Variants in SORCS3 observed in about 807,000 individuals in gnomAD.
The protein encoded by SORCS3 is VPS10 domain-containing receptor SorCS3.
Under a neutral mutation model 146.3 loss-of-function variants are expected in SORCS3, and 57 were observed. The ratio of observed to expected loss-of-function variants is 0.39; its 90% confidence interval spans 0.31 to 0.49. The LOEUF (loss-of-function observed/expected upper bound fraction) is 0.49. Among genes scored for constraint, SORCS3 ranks in the 20% least tolerant of loss-of-function variants. The pLI, the probability that SORCS3 is intolerant of heterozygous loss-of-function variation, is 0.92. For synonymous variants in SORCS3, 653 were observed against 618.5 expected, an observed-to-expected ratio of 1.06 and a Z score of -0.83; for missense variants, 1,341 against 1,575.5, an observed-to-expected ratio of 0.85 and a Z score of 2.52.
intron 3 of SORCS3, among the ~76,000 whole-genome samples, chr10:104,919,952 T>A (rs2019070806): frequency 6.6e-6 from 1 of 152,216 alleles, no homozygotes; most frequent in Non-Finnish European, 1.5e-5. Context: ...ATACTCTTAT[T>A]TGTTCCTTTA....
chr10:104,966,171 A>G (rs1479478987), intron 3 of SORCS3, among the ~76,000 whole-genome samples: 1 of 151,006 alleles, frequency 6.6e-6, no homozygotes, highest in Non-Finnish European at 1.5e-5. Context: ...CCCTGCCCCC[A>G]GCTGTGATAA....
chr10:104,816,664 T>C (rs780360578), intron 1 of SORCS3, among the ~76,000 whole-genome samples: 9 of 152,122 alleles, frequency 5.9e-5, no homozygotes, highest in Non-Finnish European at 1.3e-4. Flanking sequence ...TCCAGACTCA[T>C]CAGACTTTTA....
intron 2 of SORCS3, among the ~76,000 whole-genome samples, chr10:104,886,675 A>G (rs1470196570): frequency 5.9e-5 from 9 of 152,128 alleles, no homozygotes; most frequent in Admixed American, 5.2e-4. Flanking sequence ...AACAGCAGCC[A>G]TTGATGGGAA....
At chr10:105,139,070 A>G (rs1332541982) in intron 7 of SORCS3, among the ~76,000 whole-genome samples, 1 of 152,248 alleles carries the variant, frequency 6.6e-6, no homozygotes, top group Non-Finnish European at 1.5e-5. Flanking sequence ...GGTGTAGCCC[A>G]CATTGGTAGC....
rs1450624166 is a variant in SORCS3, at chr10:105,255,811, A to C, written c.3337+10A>C. The C allele has an allele frequency of 2.5e-6, 4 of 1,588,214 alleles. No individual in the cohort carries two copies. Among genetic ancestry groups the C allele is most frequent in the Non-Finnish European group, 1.7e-6 (2 of 1,157,822 alleles). On this transcript the variant is annotated intron_variant, in intron 24 of 26. Coordinates refer to ENST00000369701, the MANE Select transcript of SORCS3 (RefSeq NM_014978.3). ...ACACAGCTGACGTTAGGTGAGTGCC[A>C]CTGGGAACTGGGGAAATGGGAAAGA...
intron 4 of SORCS3, among the ~76,000 whole-genome samples, chr10:105,007,118 A>C (rs765038785): frequency 6.6e-6 from 1 of 152,216 alleles, no homozygotes; most frequent in Non-Finnish European, 1.5e-5. Flanking sequence ...AAGAAAAGGA[A>C]GTTATTCTAA....
intron 13 of SORCS3, among the ~76,000 whole-genome samples, chr10:105,177,416 A>G (rs1406794340): frequency 6.6e-6 from 1 of 152,196 alleles, no homozygotes; most frequent in African/African-American, 2.4e-5. Flanking sequence ...AAAGGAAACA[A>G]GCACTCAGAA....
At chr10:104,973,383 G>T (rs568456331) in intron 3 of SORCS3, among the ~76,000 whole-genome samples, 1 of 151,698 alleles carries the variant, frequency 6.6e-6, no homozygotes, top group African/African-American at 2.4e-5. Context: ...TCCTGTTATT[G>T]GTCTATTCAG....
chr10:105,137,297 T>C (rs2056065293), intron 7 of SORCS3, among the ~76,000 whole-genome samples: 1 of 152,074 alleles, frequency 6.6e-6, no homozygotes, highest in Non-Finnish European at 1.5e-5. Flanking sequence ...AGGTGGTTAT[T>C]AAGCATATGA....
chr10:105,166,766 A>C (rs988537137), intron 12 of SORCS3, among the ~76,000 whole-genome samples: 2 of 152,194 alleles, frequency 1.3e-5, no homozygotes, highest in Non-Finnish European at 2.9e-5. Flanking sequence ...TGGCTATTTC[A>C]ATTATTAGTT....
intron 16 of SORCS3, among the ~76,000 whole-genome samples, chr10:105,210,587 C>T (rs530621101): frequency 6.6e-6 from 1 of 152,128 alleles, no homozygotes; most frequent in Non-Finnish European, 1.5e-5. Context: ...GACTTTCTTT[C>T]TTCATTTTAT....
chr10:104,958,531 A>G (rs1356768635), intron 3 of SORCS3, among the ~76,000 whole-genome samples: 3 of 152,200 alleles, frequency 2.0e-5, no homozygotes, highest in Non-Finnish European at 2.9e-5. Context: ...AGAATGGGAA[A>G]GAGGGAGGAA....
intron 4 of SORCS3, among the ~76,000 whole-genome samples, chr10:104,977,724 T>C (rs975321714): frequency 1.4e-5 from 2 of 144,952 alleles, no homozygotes; most frequent in African/African-American, 5.4e-5. Flanking sequence ...TATTTCCTTT[T>C]CTTTTCTTTT....
At chr10:105,252,412 C>G (rs2056905091) in intron 22 of SORCS3, among the ~76,000 whole-genome samples, 1 of 152,114 alleles carries the variant, frequency 6.6e-6, no homozygotes, top group Non-Finnish European at 1.5e-5. Context: ...CTTCTTTTTC[C>G]TCATTTGCAC....
intron 7 of SORCS3, among the ~76,000 whole-genome samples, chr10:105,119,010 G>A (rs991846863): frequency 3.3e-5 from 5 of 152,164 alleles, no homozygotes; most frequent in African/African-American, 1.2e-4. Context: ...AATGTCTCCA[G>A]GGCACATCAG....
intron 1 of SORCS3, among the ~76,000 whole-genome samples, chr10:104,651,486 G>C (rs1410251366): frequency 6.8e-6 from 1 of 147,090 alleles, no homozygotes; most frequent in African/African-American, 2.5e-5. Flanking sequence ...TTGAGGTCAG[G>C]AGTTCGAGAC....
At chr10:105,166,821 G>A (rs2056317676) in intron 12 of SORCS3, among the ~76,000 whole-genome samples, 1 of 152,116 alleles carries the variant, frequency 6.6e-6, no homozygotes, top group African/African-American at 2.4e-5. Flanking sequence ...CCTAGATAAT[G>A]TATAAACAAC....
At chr10:104,882,329 G>A (rs1163533521) in intron 2 of SORCS3, among the ~76,000 whole-genome samples, 1 of 152,136 alleles carries the variant, frequency 6.6e-6, no homozygotes. Context: ...ATGATCAAAA[G>A]TGTGACTATT....
chr10:104,720,160 T>C (rs1167659688), intron 1 of SORCS3, among the ~76,000 whole-genome samples: 1 of 151,520 alleles, frequency 6.6e-6, no homozygotes, highest in Non-Finnish European at 1.5e-5. Flanking sequence ...CAGTGTGTCA[T>C]GTTCCCCTTC....
Sources: gnomAD v4.1 joint callset for allele counts (sites outside exome capture counted in the v4.1 genomes callset) on GRCh38, gnomAD v4.1.1 for gene constraint, MANE v1.5 for transcripts, NCBI Gene and HGNC (gene_info 2026-07-23, HGNC 2026-07-21) for gene names.